CFAP47: variants seen among roughly 807,000 people sequenced by gnomAD.
The protein encoded by CFAP47 is cilia- and flagella-associated protein 47.
In CFAP47, 29 loss-of-function variants were observed where a neutral mutation model predicts 148.1. That is an observed-to-expected ratio of 0.20 (90% CI 0.15 to 0.27). CFAP47 has a LOEUF of 0.27. Among genes scored for constraint, CFAP47 ranks in the 10% least tolerant of loss-of-function variants. CFAP47 has a pLI of 1.00. For missense variants in CFAP47, 1,872 were observed against 1,697.5 expected (o/e 1.10, Z -1.81); for synonymous variants, 664 against 577.3 (o/e 1.15, Z -2.15).
chrX:35,922,585 G>A (rs1409936522), intron 1 of CFAP47, among the ~76,000 whole-genome samples: 1 of 112,827 alleles, frequency 8.9e-6, no homozygotes, highest in Non-Finnish European at 1.9e-5. Flanking sequence ...GGCTTATGTG[G>A]AAAATATTGT....
chrX:36,290,633 G>T (rs1042410602), intron 51 of CFAP47, among the ~76,000 whole-genome samples: 4 of 112,113 alleles, frequency 3.6e-5, no homozygotes, highest in African/African-American at 1.3e-4. Flanking sequence ...AGGGAATTTG[G>T]TCCTTACCAT....
chrX:36,145,076 C>CGT (rs199883553), intron 35 of CFAP47, 143 bp from the exon 36 acceptor site: 9,124 of 289,972 alleles, frequency 0.031, 96 homozygotes, highest in African/African-American at 0.066. Flanking sequence ...TATATATATG[C>CGT]GTGTGTGTGT....
At chrX:36,177,214 A>T (rs770806370) in intron 39 of CFAP47, among the ~76,000 whole-genome samples, 3 of 112,242 alleles carry the variant, frequency 2.7e-5, no homozygotes, top group African/African-American at 9.7e-5. Flanking sequence ...GTATTTAAGC[A>T]GGGATGATTC....
chrX:36,150,079 A>G (rs1392744145), intron 37 of CFAP47, among the ~76,000 whole-genome samples: 1 of 111,199 alleles, frequency 9.0e-6, no homozygotes, highest in Non-Finnish European at 1.9e-5. Flanking sequence ...GTCATTGTGT[A>G]TGTGTGTGTA....
chrX:35,919,935 G>C lies in CFAP47; in HGVS notation c.136G>C (p.Glu46Gln). 1 of 1,211,537 alleles carries C rather than the reference G, an allele frequency of 8.3e-7. No homozygotes were observed. The highest frequency in any genetic ancestry group is 1.1e-6 in the Non-Finnish European group (1 of 895,404). ...RDMQLRVIPA[E>Q]VKFLDTMAGR... The stretch of plus-strand genomic sequence containing the variant: ...CATGCAGCTGCGGGTGATCCCGGCT[G>C]AGGTGAAGTTCCTGGACACGATGGC... The change falls in exon 1 of 64, where the codon GAG becomes CAG. Residue 46 changes from glutamate to glutamine, a missense_variant. By Grantham distance (29) the Glu-to-Gln change is conservative. Coordinates refer to ENST00000378653, the MANE Select transcript of CFAP47 (RefSeq NM_001304548.2).
At chrX:35,970,641 T>C (rs928672019) in intron 10 of CFAP47, 127 bp from the exon 11 acceptor site, 21 of 442,246 alleles carry the variant, frequency 4.7e-5, no homozygotes, top group Middle Eastern at 6.6e-4. Flanking sequence ...GGGGAAGGAC[T>C]AGAATCTGTT....
chrX:36,367,366 A>T (rs1044121177), intron 62 of CFAP47, among the ~76,000 whole-genome samples: 6 of 112,159 alleles, frequency 5.3e-5, no homozygotes, highest in African/African-American at 1.9e-4. Context: ...GAAATATAGG[A>T]TACTATTAAT....
intron 62 of CFAP47, among the ~76,000 whole-genome samples, chrX:36,371,734 GTATATATGTGTGTA>G (rs1941950643): frequency 1.9e-5 from 1 of 51,552 alleles, no homozygotes; most frequent in African/African-American, 1.0e-4. Context: ...ACACATGTGT[GTATATATGTGTGTA>G]TATACACACA....
chrX:36,273,126 G>A (rs915346628), intron 49 of CFAP47, among the ~76,000 whole-genome samples: 6 of 111,177 alleles, frequency 5.4e-5, no homozygotes, highest in Non-Finnish European at 1.1e-4. Context: ...CTAGCACACA[G>A]TAAGCATTCA....
chrX:35,990,606 C>T (rs369070169), intron 16 of CFAP47, among the ~76,000 whole-genome samples: 10 of 111,437 alleles, frequency 9.0e-5, no homozygotes, highest in Non-Finnish European at 1.9e-4. Context: ...TTGACACCTT[C>T]TTTTCCATAC....
intron 53 of CFAP47, among the ~76,000 whole-genome samples, chrX:36,303,371 G>A (rs1556008166): frequency 9.0e-6 from 1 of 110,748 alleles, no homozygotes; most frequent in Non-Finnish European, 1.9e-5. Flanking sequence ...TTTTTGTAGA[G>A]ACAGGTTCTT....
chrX:36,231,153 G>A (rs1416771658), intron 46 of CFAP47, among the ~76,000 whole-genome samples: 2 of 107,143 alleles, frequency 1.9e-5, no homozygotes, highest in Non-Finnish European at 3.9e-5. Context: ...GTGAAGAAAG[G>A]CATTGGTAGC....
chrX:35,974,159 G>C (rs1382849363), intron 13 of CFAP47, among the ~76,000 whole-genome samples: 2 of 111,955 alleles, frequency 1.8e-5, no homozygotes, highest in Admixed American at 9.5e-5. Flanking sequence ...TTCATGGAGA[G>C]TCTTTTTTAC....
At chrX:36,268,863 A>AT (rs1381593787) in intron 49 of CFAP47, among the ~76,000 whole-genome samples, 1 of 111,957 alleles carries the variant, frequency 8.9e-6, no homozygotes, top group African/African-American at 3.2e-5. Flanking sequence ...TTCATTATAT[A>AT]TTTTTTTCAA....
intron 58 of CFAP47, 142 bp downstream of exon 58, chrX:36,348,430 A>G (rs1184561692): frequency 4.6e-5 from 11 of 241,124 alleles, no homozygotes; most frequent in Non-Finnish European, 8.1e-5. Context: ...TCATATGTTC[A>G]GAGGAGGAAA....
chrX:36,184,421 A>G (rs1555985279), intron 40 of CFAP47, among the ~76,000 whole-genome samples: 1 of 110,957 alleles, frequency 9.0e-6, no homozygotes, highest in African/African-American at 3.3e-5. Flanking sequence ...GAAGCATAGG[A>G]ATTAATGTTG....
chrX:36,249,542 C>A (rs1465618376), intron 48 of CFAP47, among the ~76,000 whole-genome samples: 1 of 111,139 alleles, frequency 9.0e-6, no homozygotes, highest in Non-Finnish European at 1.9e-5. Flanking sequence ...ACAAAGAAAA[C>A]ACAGTCTTAG....
At chrX:36,300,678 T>C (rs976545221) in intron 52 of CFAP47, among the ~76,000 whole-genome samples, 1 of 112,242 alleles carries the variant, frequency 8.9e-6, no homozygotes, top group Non-Finnish European at 1.9e-5. Context: ...TAGAGCTATA[T>C]GTCACTTGAT....
chrX:36,056,627 G>A (rs940584734), intron 26 of CFAP47, among the ~76,000 whole-genome samples: 2 of 112,296 alleles, frequency 1.8e-5, no homozygotes, highest in African/African-American at 6.5e-5. Context: ...GGATAAAAAT[G>A]AGTTGATTAA....
Sources: allele counts gnomAD v4.1 joint callset (sites outside exome capture counted in the v4.1 genomes callset), GRCh38; gene constraint gnomAD v4.1.1; transcripts MANE v1.5; gene names NCBI Gene and HGNC (gene_info 2026-07-23, HGNC 2026-07-21).